Variants in YWHAZ observed in about 807,000 individuals in gnomAD.
YWHAZ encodes 14-3-3 protein zeta/delta.
For synonymous variants in YWHAZ, 87 were observed against 103.6 expected (o/e 0.84, Z 0.97); for missense variants, 79 against 284.8 (o/e 0.28, Z 5.20).
At chr8:100,934,453 C>T (rs1189453075) in intron 2 of YWHAZ, among the ~76,000 whole-genome samples, 1 of 151,438 alleles carries the variant, frequency 6.6e-6, no homozygotes, top group Non-Finnish European at 1.5e-5. Flanking sequence ...TGTAATCCCA[C>T]ACTTTAGGAG....
chr8:100,927,067 T>C (rs962982486), intron 2 of YWHAZ, among the ~76,000 whole-genome samples: 2 of 152,204 alleles, frequency 1.3e-5, no homozygotes, highest in African/African-American at 2.4e-5. Context: ...TCTAAGATTA[T>C]TGAGAAAAAA....
Position 100,916,609 on chromosome 8 carries a change from G to C in YWHAZ, c.*4084C>G, listed in dbSNP as rs1812725203. The C allele has an allele frequency of 6.6e-6, 1 of 152,220 alleles. No homozygotes were observed. Among genetic ancestry groups the C allele is most frequent in the Non-Finnish European group, 1.5e-5 (1 of 68,038 alleles). The allele number at this position is 152,220 out of a possible 1,614,324, so 9.4% of individuals were successfully genotyped here. ...TAAATTCTAAAATTCGGAATACTAA[G>C]AAGTAATCAATTAAGACCAGTTAGG... On this transcript the variant is annotated 3_prime_UTR_variant, in exon 6 of 6. Transcript: ENST00000395958.
chr8:100,942,064 T>A (rs1809906511), intron 2 of YWHAZ, among the ~76,000 whole-genome samples: 1 of 152,202 alleles, frequency 6.6e-6, no homozygotes. Context: ...CACATTTTTA[T>A]TTGGGGAAGG....
chr8:100,923,886 A>C, intron 5 of YWHAZ, 69 bp downstream of exon 5: 1 of 1,346,740 alleles, frequency 7.4e-7, no homozygotes, highest in Non-Finnish European at 1.0e-6. Context: ...AATAAAAAAA[A>C]AAATTCCCTA....
chr8:100,952,019 T>C lies in YWHAZ; in HGVS notation c.-102A>G. On this transcript the variant is annotated 5_prime_UTR_variant, in exon 1 of 6. Coordinates refer to ENST00000395958, the MANE Select transcript of YWHAZ (RefSeq NM_145690.3). ...CAGCAGCGGCGAGGCTGAGACTCTGTCCCTGGATCTCGCTGCTCACAGGCT... is the reference window on the plus strand; with the variant it reads ...CAGCAGCGGCGAGGCTGAGACTCTGCCCCTGGATCTCGCTGCTCACAGGCT... The C allele has an allele frequency of 1.0e-6, 1 of 995,770 alleles. No individual in the cohort carries two copies. Among genetic ancestry groups the C allele is most frequent in the East Asian group, 1.1e-4 (1 of 9,046 alleles). 61.7% of individuals were successfully genotyped at this position (995,770 alleles called of 1,614,324 possible). A position where few individuals can be genotyped will look rare whatever the true frequency, so the allele number is the denominator to read the frequency against.
At chr8:100,950,609 C>T (rs1347915102) in intron 1 of YWHAZ, 2 of 985,860 alleles carry the variant, frequency 2.0e-6, no homozygotes, top group Non-Finnish European at 2.4e-6. Context: ...AATTCCTCCC[C>T]CCGACCGGAG....
intron 2 of YWHAZ, among the ~76,000 whole-genome samples, chr8:100,927,311 A>G (rs187947983): frequency 6.6e-6 from 1 of 152,266 alleles, no homozygotes; most frequent in East Asian, 1.9e-4. Context: ...TCACTTCTTG[A>G]GTCCAGGAGT....
At chr8:100,943,998 G>T (rs4734499) in intron 2 of YWHAZ, among the ~76,000 whole-genome samples, 3 of 131,988 alleles carry the variant, frequency 2.3e-5, no homozygotes, top group Non-Finnish European at 4.9e-5. Flanking sequence ...AAAAAAAAAA[G>T]AAAAAAGAAA....
At chr8:100,945,009 C>T (rs1004905573) in intron 2 of YWHAZ, among the ~76,000 whole-genome samples, 1 of 152,156 alleles carries the variant, frequency 6.6e-6, no homozygotes, top group Non-Finnish European at 1.5e-5. Context: ...ATAAAAACTA[C>T]CCAATTTTTG....
intron 2 of YWHAZ, among the ~76,000 whole-genome samples, chr8:100,946,695 T>C (rs950384407): frequency 6.6e-6 from 1 of 152,152 alleles, no homozygotes; most frequent in African/African-American, 2.4e-5. Flanking sequence ...ATAAGCGTGT[T>C]AGTAAAAGGT....
At chr8:100,951,730 G>T in intron 1 of YWHAZ, 199 bp downstream of exon 1, 1 of 985,452 alleles carries the variant, frequency 1.0e-6, no homozygotes, top group Non-Finnish European at 1.2e-6. Flanking sequence ...GCAAGGAGCC[G>T]GAGGCGGCCG....
At chr8:100,933,873 G>A (rs780732697) in intron 2 of YWHAZ, among the ~76,000 whole-genome samples, 2 of 151,822 alleles carry the variant, frequency 1.3e-5, no homozygotes, top group Non-Finnish European at 2.9e-5. Flanking sequence ...TTAGCCTAGC[G>A]TGGCCAGGCG....
rs1220822893 is a variant in YWHAZ at position 100,950,662 on chromosome 8, G to GA, written c.-12+1266_-12+1267insT. 12 of 908,200 alleles carry GA rather than the reference G, an allele frequency of 1.3e-5. 1 individual carries two copies. The highest frequency in any genetic ancestry group is 1.8e-5 in the African/African-American group (1 of 55,190). The allele number at this position is 908,200 out of a possible 1,614,324, so 56.3% of individuals were successfully genotyped here. ...CCGCGCCCCCGCCCAAGCCGTGGGG[G>GA]GGGGGGAGAGATGGGGAGCGAAGCC... On this transcript the variant is annotated intron_variant, in intron 1 of 5. Coordinates refer to ENST00000395958, the MANE Select transcript of YWHAZ (RefSeq NM_145690.3).
At chr8:100,942,145 C>T (rs1002280820) in intron 2 of YWHAZ, among the ~76,000 whole-genome samples, 1 of 152,124 alleles carries the variant, frequency 6.6e-6, no homozygotes, top group Non-Finnish European at 1.5e-5. Flanking sequence ...AATAACCTAT[C>T]CAATGTAAAC....
rs570951390 is a variant in YWHAZ, at chr8:100,945,777, G to A, written c.294+2819C>T. 9.0e-4 allele frequency among the ~76,000 whole-genome samples: 137 copies of A among 152,092 alleles called. 1 individual carries two copies. Among genetic ancestry groups the A allele is most frequent in the African/African-American group, 2.9e-3 (119 of 41,498 alleles). ...TGGTAGGAAAAAGAAGCCTATTATCGGTAAATATCAAATTTTCCCAAGCAG... is the reference window on the plus strand; with the variant it reads ...TGGTAGGAAAAAGAAGCCTATTATCAGTAAATATCAAATTTTCCCAAGCAG... On this transcript the variant is annotated intron_variant, in intron 2 of 5. Coordinates refer to ENST00000395958, the MANE Select transcript of YWHAZ (RefSeq NM_145690.3).
chr8:100,950,533 G>A, intron 1 of YWHAZ: 1 of 985,622 alleles, frequency 1.0e-6, no homozygotes. Context: ...CACGGCTCAA[G>A]TCCCCGACTC....
chr8:100,926,748 T>C (rs138843017), intron 2 of YWHAZ, among the ~76,000 whole-genome samples: 1 of 152,366 alleles, frequency 6.6e-6, no homozygotes, highest in African/African-American at 2.4e-5. Flanking sequence ...AAAAGTGTTT[T>C]GTCCTTTGAA....
In YWHAZ at chr8:100,951,990, G is replaced by GCGGCAGCAGCGGCGA; in HGVS notation, c.-88_-74dup. On this transcript the variant is annotated 5_prime_UTR_variant, in exon 1 of 6. Transcript: ENST00000395958. ...GCTCAGCAGTCTCTGGGCGGCGGCGGCGGCAGCAGCGGCGAGGCTGAGACT... is the reference window on the plus strand; with the variant it reads ...GCTCAGCAGTCTCTGGGCGGCGGCGGCGGCAGCAGCGGCGACGGCAGCAGCGGCGAGGCTGAGACT... The GCGGCAGCAGCGGCGA allele has an allele frequency of 2.0e-6, 2 of 1,004,022 alleles. No homozygotes were observed. The highest frequency in any genetic ancestry group is 2.4e-6 in the Non-Finnish European group (2 of 842,750). The allele number at this position is 1,004,022 out of a possible 1,614,324, so 62.2% of individuals were successfully genotyped here.
intron 1 of YWHAZ, chr8:100,951,249 C>G (rs1315522994): frequency 2.0e-6 from 2 of 984,934 alleles, no homozygotes; most frequent in African/African-American, 1.8e-5. Context: ...CGGGCGCCGC[C>G]GCGCCAGGCC....
Sources: gnomAD v4.1 joint callset for allele counts (sites outside exome capture counted in the v4.1 genomes callset) on GRCh38, gnomAD v4.1.1 for gene constraint, MANE v1.5 for transcripts, NCBI Gene and HGNC (gene_info 2026-07-23, HGNC 2026-07-21) for gene names.